Variants in MCM7 observed in about 807,000 individuals in gnomAD.
MCM7 encodes the protein minichromosome maintenance complex component 7.
A neutral mutation model predicts 83.5 loss-of-function variants in MCM7; 95 were observed. That is an observed-to-expected ratio of 1.14 (90% CI 0.96 to 1.35). MCM7 has a LOEUF of 1.35. MCM7 is among the 40% of genes most tolerant of loss of function. MCM7 has a pLI of 0.00. For missense variants in MCM7, 1,087 were observed against 957.4 expected, an observed-to-expected ratio of 1.14 and a Z score of -1.79; for synonymous variants, 461 against 352.7, an observed-to-expected ratio of 1.31 and a Z score of -3.44.
chr7:100,100,676 A>G, intron 1 of MCM7: 1 of 989,798 alleles, frequency 1.0e-6, no homozygotes, highest in Non-Finnish European at 1.2e-6. Flanking sequence ...GCCCGAGCGA[A>G]GCTCCGGATC....
intron 5 of MCM7, 21 bp downstream of exon 5, chr7:100,099,002 T>TG (rs1795790169): frequency 6.2e-7 from 1 of 1,613,208 alleles, no homozygotes; most frequent in Non-Finnish European, 8.5e-7. Flanking sequence ...AGTGCTTTCC[T>TG]GCTTCTTGCT....
intron 7 of MCM7, 61 bp downstream of exon 7, chr7:100,098,080 G>A (rs1795739565): frequency 3.1e-6 from 5 of 1,591,928 alleles, no homozygotes; most frequent in East Asian, 2.2e-5. Flanking sequence ...CTCTGTGTGG[G>A]TAGAATGAGT....
At chr7:100,100,442 C>CTAAG in intron 1 of MCM7, 1 of 1,009,010 alleles carries the variant, frequency 9.9e-7, no homozygotes, top group African/African-American at 1.7e-5. Context: ...CTTTGGGTCC[C>CTAAG]CTTAGCCCCT....
chr7:100,098,713 G>A lies in MCM7; in HGVS notation c.585C>T (p.Ile195=), dbSNP rs1281906636. 1 of 1,614,006 alleles carries A rather than the reference G, an allele frequency of 6.2e-7. No homozygotes were observed. The highest frequency in any genetic ancestry group is 1.3e-5 in the African/African-American group (1 of 74,904). Residue 195 remains isoleucine, a splice_region_variant and synonymous_variant, in exon 6 of 15, where the codon ATC becomes ATT. Coordinates refer to ENST00000303887, the MANE Select transcript of MCM7 (RefSeq NM_005916.5). ...DQCGAETYQP[I]QSPTFMPLIM... ...TCAGAGGCATGAAAGTGGGAGACTG[G>A]ATCTAGGATGTGAGAACAGAAACAC...
chr7:100,095,254 T>A lies in MCM7; in HGVS notation c.1679+133A>T, dbSNP rs1795557348. The A allele has an allele frequency of 5.0e-6, 4 of 793,944 alleles. No homozygotes were observed. In the East Asian group the frequency reaches 8.1e-5, roughly 16 times the overall value. 49.2% of individuals were successfully genotyped at this position (793,944 alleles called of 1,614,324 possible). On this transcript the variant is annotated intron_variant, in intron 12 of 14. Transcript: ENST00000303887. ...GTGGAATTTTCCACTTAAAAGCTGATCTGAGGCTCTGGACATGTCTGTAGC... is the reference window on the plus strand; with the variant it reads ...GTGGAATTTTCCACTTAAAAGCTGAACTGAGGCTCTGGACATGTCTGTAGC...
rs1320870789 is a variant in MCM7, at chr7:100,095,316, T to C, written c.1679+71A>G. The C allele has an allele frequency of 1.4e-5, 19 of 1,343,868 alleles. No homozygotes were observed. In the South Asian group the frequency reaches 2.3e-4, roughly 16 times the overall value. The allele number at this position is 1,343,868 out of a possible 1,614,324, so 83.2% of individuals were successfully genotyped here. A position where few individuals can be genotyped will look rare whatever the true frequency, so the allele number is the denominator to read the frequency against. ...GTGTGAAAAACACACACCCTAAGACTAATAAGCACTTTTTCAGGAGGCTCG... is the reference window on the plus strand; with the variant it reads ...GTGTGAAAAACACACACCCTAAGACCAATAAGCACTTTTTCAGGAGGCTCG... On this transcript the variant is annotated intron_variant, in intron 12 of 14. Coordinates refer to ENST00000303887, the MANE Select transcript of MCM7 (RefSeq NM_005916.5).
At chr7:100,097,432 G>A in intron 9 of MCM7, 48 bp from the exon 10 acceptor site, 1 of 1,601,468 alleles carries the variant, frequency 6.2e-7, no homozygotes, top group Non-Finnish European at 8.6e-7. Flanking sequence ...CCCAGTGCTT[G>A]GCCAACAACA....
chr7:100,097,229 C>T, intron 10 of MCM7, 72 bp downstream of exon 10: 1 of 1,350,460 alleles, frequency 7.4e-7, no homozygotes, highest in Non-Finnish European at 1.1e-6. Flanking sequence ...AAACATGCAC[C>T]CCTACTTTTT....
chr7:100,095,737 A>G, intron 11 of MCM7, 37 bp downstream of exon 11: 2 of 1,537,066 alleles, frequency 1.3e-6, no homozygotes, highest in Non-Finnish European at 1.7e-6. Flanking sequence ...ACAGATCATT[A>G]CAGGGGACCT....
Position 100,092,878 on chromosome 7 carries a change from A to T in MCM7, c.*54T>A. The T allele has an allele frequency of 6.2e-7, 1 of 1,601,028 alleles. No individual in the cohort carries two copies. Among genetic ancestry groups the T allele is most frequent in the Non-Finnish European group, 8.6e-7 (1 of 1,168,452 alleles). On this transcript the variant is annotated 3_prime_UTR_variant, in exon 15 of 15. Transcript: ENST00000303887. ...CTCAAAGGCATCACTGCCCCTTCCC[A>T]AGGGGCAGGCCAGCAGGGAACAAGA...
intron 10 of MCM7, among the ~76,000 whole-genome samples, chr7:100,096,993 C>A (rs1188779629): frequency 6.6e-6 from 1 of 152,000 alleles, no homozygotes; most frequent in African/African-American, 2.4e-5. Context: ...CCCAGCTACT[C>A]GGGAGGCTGA....
rs775346451 is a variant in MCM7, at chr7:100,096,078, C to T, written c.1291G>A (p.Gly431Ser). ...TGGTCAGCCAGCACCAGGGCCCCAC[C>T]CTCTAAGGTCAGTTCTCCACTCACG... is the stretch of plus-strand genomic sequence containing the variant. The part of the protein sequence containing the change: ...DSVSGELTLE[G>S]GALVLADQGV... The change falls in exon 11 of 15, where the codon GGT (glycine) becomes AGT (serine). Residue 431 changes from glycine to serine, a missense_variant. Transcript: ENST00000303887. The T allele has an allele frequency of 3.1e-6, 5 of 1,614,126 alleles. No individual in the cohort carries two copies. The highest frequency in any genetic ancestry group is 4.5e-5 in the East Asian group (2 of 44,880).
chr7:100,098,963 AT>A, intron 5 of MCM7, 59 bp downstream of exon 5: 1 of 1,601,408 alleles, frequency 6.2e-7, no homozygotes, highest in Non-Finnish European at 8.5e-7. Context: ...ACAGGATCAA[AT>A]TAATCTCTAC....
Position 100,095,853 on chromosome 7 carries a change from G to A in MCM7, c.1516C>T (p.Gln506Ter), listed in dbSNP as rs773516303. Residue 506 changes from glutamine (Q) to a stop codon, truncating the protein, a stop_gained, in exon 11 of 15, where the codon CAG becomes TAG. Transcript: ENST00000303887. LOFTEE classifies it high-confidence loss of function. ...NPRRSLEQNI[Q>*]LPAALLSRFD... ...CGGGAGAGCAGTGCAGCAGGTAGCT[G>A]TATGTTCTGCTCCAGGCTGCGGCGA... is the stretch of plus-strand genomic sequence containing the variant. 1.2e-6 allele frequency: 2 copies of A among 1,612,846 alleles called. No homozygotes were observed. Among genetic ancestry groups the A allele is most frequent in the South Asian group, 2.2e-5 (2 of 91,062 alleles).
At position 100,094,290 on chromosome 7, in the gene MCM7, CAG is replaced by C. The variant is rs751125686; in HGVS notation, c.1729_1730del (p.Leu577GlyfsTer2). On this transcript the variant is annotated frameshift_variant, in exon 13 of 15. Coordinates refer to ENST00000303887, the MANE Select transcript of MCM7 (RefSeq NM_005916.5). LOFTEE classifies it high-confidence loss of function. ...CGTATGCTGCTGTGATGTAGTCAGC[CAG>C]AGACTCTGGCACCATGGGCTGCTTC... Reference protein sequence around the residue: ...REKQPMVPESLADYITAAYVE... With the variant: ...REKQPMVPESXADYITAAYVE... The C allele has an allele frequency of 6.2e-7, 1 of 1,614,176 alleles. No homozygotes were observed. Among genetic ancestry groups the C allele is most frequent in the Non-Finnish European group, 8.5e-7 (1 of 1,180,036 alleles).
Position 100,097,721 on chromosome 7 carries a change from G to A in MCM7, c.1010C>T (p.Ala337Val), listed in dbSNP as rs930782118. 4 of 1,614,198 alleles carry A rather than the reference G, an allele frequency of 2.5e-6. No homozygotes were observed. Among genetic ancestry groups the A allele is most frequent in the Non-Finnish European group, 3.4e-6 (4 of 1,180,048 alleles). The change falls in exon 9 of 15, where the codon GCA (alanine) becomes GTA (valine). Residue 337 changes from alanine to valine, a missense_variant. Coordinates refer to ENST00000303887, the MANE Select transcript of MCM7 (RefSeq NM_005916.5). Reference protein sequence around the residue: ...IAEEDFYEKLAASIAPEIYGH... With the variant: ...IAEEDFYEKLVASIAPEIYGH... The stretch of plus-strand genomic sequence containing the variant: ...GTATATTTCTGGGGCGATTGAAGCT[G>A]CCAGCTTTTCGTAGAAATCCTCCTC...
At chr7:100,100,273 A>G (rs1183084727) in intron 1 of MCM7, 180 bp from the exon 2 acceptor site, 33 of 1,378,294 alleles carry the variant, frequency 2.4e-5, no homozygotes, top group Middle Eastern at 2.8e-4. Flanking sequence ...CCAGCGAAGA[A>G]TAAAGAGCCC....
Position 100,098,424 on chromosome 7 carries a change from T to G in MCM7, c.721-134A>C. ...CCACAGCAGGGGTGCTGAGACCTCCTTTCCCCTTCCCAAGGCTCCCAGGAA... is the reference window on the plus strand; with the variant it reads ...CCACAGCAGGGGTGCTGAGACCTCCGTTCCCCTTCCCAAGGCTCCCAGGAA... On this transcript the variant is annotated intron_variant, in intron 6 of 14. Transcript: ENST00000303887. 3 of 1,485,412 alleles carry G rather than the reference T, an allele frequency of 2.0e-6. No homozygotes were observed. In the East Asian group the frequency reaches 6.8e-5, roughly 34 times the overall value. The allele number at this position is 1,485,412 out of a possible 1,614,324, so 92.0% of individuals were successfully genotyped here.
At chr7:100,100,511 CATCGCTTCCGCT>C (rs1291690835) in intron 1 of MCM7, 51 of 1,004,296 alleles carry the variant, frequency 5.1e-5, no homozygotes, top group Non-Finnish European at 5.9e-5. Flanking sequence ...CCGCTCCCGC[CATCGCTTCCGCT>C]CTTAGTAAAC....
Sources: allele counts gnomAD v4.1 joint callset (sites outside exome capture counted in the v4.1 genomes callset), GRCh38; gene constraint gnomAD v4.1.1; transcripts MANE v1.5; gene names NCBI Gene and HGNC (gene_info 2026-07-23, HGNC 2026-07-21).